PCDH11X: variants seen among roughly 807,000 people sequenced by gnomAD.
The protein encoded by PCDH11X is protocadherin 11 X-linked.
Under a neutral mutation model 53.3 loss-of-function variants are expected in PCDH11X, and 18 were observed. The observed-to-expected ratio is 0.34, with a 90% CI of 0.23 to 0.50. The LOEUF (loss-of-function observed/expected upper bound fraction) is 0.50. Among genes scored for constraint, PCDH11X ranks in the 20% least tolerant of loss-of-function variants. PCDH11X has a pLI of 0.98. For synonymous variants in PCDH11X, 279 were observed against 393.3 expected, an observed-to-expected ratio of 0.71 and a Z score of 3.44; for missense variants, 570 against 1,032.4, an observed-to-expected ratio of 0.55 and a Z score of 6.14.
At chrX:92,333,737 T>C (rs1358136463) in intron 8 of PCDH11X, among the ~76,000 whole-genome samples, 2 of 110,585 alleles carry the variant, frequency 1.8e-5, no homozygotes, top group African/African-American at 3.3e-5. Context: ...ATTTAGCATA[T>C]ATAAATCATC....
At position 92,413,324 on chromosome X, in the gene PCDH11X, A is replaced by G. The variant is rs941541045; in HGVS notation, c.3343+25391A>G. Among the ~76,000 whole-genome samples, 6 of 48,000 alleles carry G rather than the reference A, an allele frequency of 1.3e-4. 1 individual carries two copies. Among genetic ancestry groups the G allele is most frequent in the African/African-American group, 6.2e-4 (6 of 9,626 alleles). The allele number at this position is 48,000 out of a possible 115,157, so 41.7% of individuals were successfully genotyped here. Reference sequence around the variant, plus strand: ...ACATCAAGTCTTTGATTCTTTCCTCAGCTATCTCCAAGTTATTGATAAGGC... The same window carrying G: ...ACATCAAGTCTTTGATTCTTTCCTCGGCTATCTCCAAGTTATTGATAAGGC... On this transcript the variant is annotated intron_variant, in intron 9 of 10. Coordinates refer to ENST00000682573, the MANE Select transcript of PCDH11X (RefSeq NM_032968.5).
chrX:91,876,461 C>T (rs1416833759), intron 5 of PCDH11X, among the ~76,000 whole-genome samples: 2 of 110,634 alleles, frequency 1.8e-5, no homozygotes, highest in African/African-American at 6.6e-5. Context: ...CATATATTAC[C>T]ATAAAATGCT....
intron 6 of PCDH11X, among the ~76,000 whole-genome samples, chrX:92,112,434 T>C (rs181238268): frequency 1.8e-5 from 2 of 111,025 alleles, no homozygotes; most frequent in East Asian, 5.7e-4. Context: ...GGTATTTTGA[T>C]ATTTTCTCTT....
Position 92,365,192 on chromosome X carries a change from C to G in PCDH11X, c.3145-22543C>G, listed in dbSNP as rs1468120703. Among the ~76,000 whole-genome samples the G allele has an allele frequency of 8.1e-5, 7 of 85,907 alleles. No individual in the cohort carries two copies. In the Admixed American group the frequency reaches 8.7e-4, roughly 11 times the overall value. 74.6% of individuals were successfully genotyped at this position (85,907 alleles called of 115,157 possible). A position where few individuals can be genotyped will look rare whatever the true frequency, so the allele number is the denominator to read the frequency against. ...TCTTTTGAAATACCTCCTGAAAGATCTGCTTGAGGCTGTTTTGTAGTTAAC... is the reference window on the plus strand; with the variant it reads ...TCTTTTGAAATACCTCCTGAAAGATGTGCTTGAGGCTGTTTTGTAGTTAAC... On this transcript the variant is annotated intron_variant, in intron 8 of 10. Coordinates refer to ENST00000682573, the MANE Select transcript of PCDH11X (RefSeq NM_032968.5).
chrX:92,257,198 A>G (rs962394599), intron 7 of PCDH11X, among the ~76,000 whole-genome samples: 17 of 111,333 alleles, frequency 1.5e-4, no homozygotes, highest in African/African-American at 5.6e-4. Context: ...ATCTCCTGAT[A>G]ACTCACTATC....
At chrX:92,326,415 G>A (rs1415950460) in intron 8 of PCDH11X, among the ~76,000 whole-genome samples, 22 of 102,516 alleles carry the variant, frequency 2.1e-4, no homozygotes, top group South Asian at 5.0e-4. Context: ...GGGCAGTCAC[G>A]AAAGTCCACT....
At chrX:92,419,987 C>T (rs2071923793) in intron 9 of PCDH11X, among the ~76,000 whole-genome samples, 1 of 111,147 alleles carries the variant, frequency 9.0e-6, no homozygotes, top group South Asian at 3.8e-4. Flanking sequence ...GCCTCTCTCT[C>T]CCCCTTTTCT....
At chrX:92,001,229 C>G (rs1423355782) in intron 6 of PCDH11X, among the ~76,000 whole-genome samples, 1 of 111,398 alleles carries the variant, frequency 9.0e-6, no homozygotes, top group Non-Finnish European at 1.9e-5. Flanking sequence ...TCCACATCCT[C>G]CCCAGCATTT....
chrX:92,136,092 C>G (rs1407951579), intron 6 of PCDH11X, among the ~76,000 whole-genome samples: 5 of 111,058 alleles, frequency 4.5e-5, no homozygotes, highest in Admixed American at 9.8e-5. Context: ...AATTAAGACA[C>G]TGGAATACTA....
At chrX:92,347,365 G>T (rs1375998387) in intron 8 of PCDH11X, among the ~76,000 whole-genome samples, 13 of 111,634 alleles carry the variant, frequency 1.2e-4, no homozygotes, top group Non-Finnish European at 2.1e-4. Context: ...GGCATTAATA[G>T]TTCATAAAGA....
chrX:92,196,524 A>G (rs59569107), intron 6 of PCDH11X, among the ~76,000 whole-genome samples: 8,658 of 111,603 alleles, frequency 0.078, 496 homozygotes, highest in East Asian at 0.19. Context: ...TGGGATAAGT[A>G]AAAATAATTA....
At chrX:91,890,317 C>T (rs1940416405) in intron 6 of PCDH11X, among the ~76,000 whole-genome samples, 1 of 111,147 alleles carries the variant, frequency 9.0e-6, no homozygotes, top group Non-Finnish European at 1.9e-5. Context: ...CCTTTTACAC[C>T]ATTATGCCTC....
At chrX:91,962,596 G>T (rs2061804134) in intron 6 of PCDH11X, among the ~76,000 whole-genome samples, 2 of 111,147 alleles carry the variant, frequency 1.8e-5, no homozygotes, top group South Asian at 3.8e-4. Flanking sequence ...ACTATTCTGG[G>T]ATCTGGAAGA....
chrX:92,292,289 AAAG>A (rs2068509776), intron 8 of PCDH11X, among the ~76,000 whole-genome samples: 1 of 112,443 alleles, frequency 8.9e-6, no homozygotes, highest in Admixed American at 9.5e-5. Flanking sequence ...TTTTTAAAGA[AAAG>A]AACAGAACAT....
chrX:91,950,449 C>T (rs1218305319), intron 6 of PCDH11X, among the ~76,000 whole-genome samples: 1 of 107,449 alleles, frequency 9.3e-6, no homozygotes, highest in Non-Finnish European at 1.9e-5. Flanking sequence ...GAATAACAGC[C>T]ACCAGTTCTA....
chrX:92,438,555 A>T (rs1286552895), intron 9 of PCDH11X, among the ~76,000 whole-genome samples: 1 of 110,581 alleles, frequency 9.0e-6, no homozygotes, highest in Admixed American at 9.7e-5. Context: ...CATGCCATAA[A>T]ACCTAGGAAG....
chrX:92,607,625 C>T (rs1014793999), intron 10 of PCDH11X, among the ~76,000 whole-genome samples: 2 of 111,628 alleles, frequency 1.8e-5, no homozygotes, highest in Non-Finnish European at 3.8e-5. Flanking sequence ...CTACATCTCA[C>T]GAAAATTGTT....
At chrX:92,083,104 T>C in intron 6 of PCDH11X, among the ~76,000 whole-genome samples, 1 of 111,666 alleles carries the variant, frequency 9.0e-6, no homozygotes, top group East Asian at 2.8e-4. Flanking sequence ...ATCATCACAC[T>C]TAACCCTGTA....
chrX:91,990,842 G>T (rs1209862570), intron 6 of PCDH11X, among the ~76,000 whole-genome samples: 2 of 105,397 alleles, frequency 1.9e-5, no homozygotes, highest in Non-Finnish European at 3.9e-5. Context: ...ACTTTGGGGG[G>T]CTAGCCTCAC....
Sources: allele counts gnomAD v4.1 joint callset (sites outside exome capture counted in the v4.1 genomes callset), GRCh38; gene constraint gnomAD v4.1.1; transcripts MANE v1.5; gene names NCBI Gene and HGNC (gene_info 2026-07-23, HGNC 2026-07-21).